The following CACNA1S variants were observed in gnomAD, a reference collection of about 807,000 sequenced individuals.
CACNA1S encodes the protein voltage-dependent L-type calcium channel subunit alpha-1S.
In CACNA1S, 126 loss-of-function variants were observed where a neutral mutation model predicts 207.4. That is an observed-to-expected ratio of 0.61 (90% confidence interval 0.53 to 0.70). The LOEUF is 0.70. Ranked by LOEUF, CACNA1S falls within the 30% of genes least tolerant of loss-of-function variation. The pLI is 0.00. For missense variants in CACNA1S, 2,349 were observed against 2,422.8 expected (o/e 0.97, Z 0.64); for synonymous variants, 960 against 932.7 (o/e 1.03, Z -0.53).
rs544781365 is a variant in CACNA1S, at chr1:201,050,920, A to G, written c.4113+64T>C. The G allele has an allele frequency of 3.9e-5, 60 of 1,547,312 alleles. No individual in the cohort carries two copies. In the South Asian group the frequency reaches 5.8e-4, roughly 15 times the overall value. On this transcript the variant is annotated intron_variant, in intron 33 of 43. Coordinates refer to ENST00000362061, the MANE Select transcript of CACNA1S (RefSeq NM_000069.3). ...GGAAACTGGCCAGGAAGGGGCAGGC[A>G]GGCTCCCCCATGCCTCAGCTTATCA... is the stretch of plus-strand genomic sequence containing the variant.
In CACNA1S at chr1:201,083,173, G is replaced by T. The variant is rs143202536; in HGVS notation, c.1382C>A (p.Thr461Asn). 4 of 1,614,170 alleles carry T rather than the reference G, an allele frequency of 2.5e-6. No individual in the cohort carries two copies. The East Asian group carries it at 8.9e-5, about 36-fold the overall frequency. ...CCGTTCCGCCTCACCTTGCAAACGGGTCAGCCAGAGAGGCTGGTTGTGGTG... is the reference window on the plus strand; with the variant it reads ...CCGTTCCGCCTCACCTTGCAAACGGTTCAGCCAGAGAGGCTGGTTGTGGTG... ...SEHHNQPLWL[T>N]RLQDIANRVL... Residue 461 changes from threonine to asparagine, a missense_variant, in exon 10 of 44, where the codon ACC (threonine) becomes AAC (asparagine). Physicochemically the swap from Thr to Asn is moderately conservative, Grantham distance 65. Transcript: ENST00000362061.
At chr1:201,063,248 C>T (rs538432003) in intron 22 of CACNA1S, among the ~76,000 whole-genome samples, 3 of 150,838 alleles carry the variant, frequency 2.0e-5, no homozygotes, top group East Asian at 1.9e-4. Context: ...ATCTGTGTCT[C>T]AGATTGGGTC....
In CACNA1S at chr1:201,066,257, C is replaced by T; in HGVS notation, c.2717G>A (p.Arg906Lys). The change falls in exon 21 of 44, where the codon AGA (arginine) becomes AAA (lysine). Residue 906 changes from arginine to lysine, a missense_variant. Coordinates refer to ENST00000362061, the MANE Select transcript of CACNA1S (RefSeq NM_000069.3). The surrounding 1 kb of genome is among the most constrained non-coding windows in gnomAD (Gnocchi z 4.3). ...CAACCCCTTGGCTCTGTTGATGGCT[C>T]TGAGTGGTCGGAGCACCCTCAGCAC... ...LRVLRVLRPL[R>K]AINRAKGLKH... 1 of 1,613,822 alleles carries T rather than the reference C, an allele frequency of 6.2e-7. No homozygotes were observed. The highest frequency in any genetic ancestry group is 2.2e-5 in the East Asian group (1 of 44,860).
rs200273802 is a variant in CACNA1S at position 201,085,044 on chromosome 1, G to A, written c.1151-13C>T. 5 of 1,601,690 alleles carry A rather than the reference G, an allele frequency of 3.1e-6. No homozygotes were observed. The highest frequency in any genetic ancestry group is 4.3e-6 in the Non-Finnish European group (5 of 1,174,202). ...AAAGACAGTTTTCCTGGAGACAGGA[G>A]AGAAAGAGTCAGCCAGCCTTCGGGG... On this transcript the variant is annotated splice_polypyrimidine_tract_variant and intron_variant, in intron 8 of 43. Transcript: ENST00000362061.
chr1:201,069,334 A>C, intron 18 of CACNA1S, 138 bp from the exon 19 acceptor site: 2 of 1,425,886 alleles, frequency 1.4e-6, no homozygotes, highest in Non-Finnish European at 2.0e-6. Flanking sequence ...TGGAGTGGGC[A>C]GTCCTATCCC....
chr1:201,111,836 G>A (rs73081021), intron 1 of CACNA1S, among the ~76,000 whole-genome samples: 11,488 of 151,798 alleles, frequency 0.076, 1,371 homozygotes, highest in African/African-American at 0.25. Context: ...TAGGTGGTCA[G>A]TAGGCATCTC....
Position 201,051,446 on chromosome 1 carries a change from T to G in CACNA1S, c.3954-303A>C, listed in dbSNP as rs3861928. 0.78 allele frequency among the ~76,000 whole-genome samples: 118,013 copies of G among 152,092 alleles called. 46,841 individuals are homozygous for G. The highest frequency in any genetic ancestry group is 0.99 in the East Asian group (5,143 of 5,176). On this transcript the variant is annotated intron_variant, in intron 32 of 43. Coordinates refer to ENST00000362061, the MANE Select transcript of CACNA1S (RefSeq NM_000069.3). The stretch of plus-strand genomic sequence containing the variant: ...TTCTGACCAAAGCAAGGCAGGGTCA[T>G]ATGTCACAGAGGCCTCAAAGAGATT...
At chr1:201,105,516 C>A (rs144570832) in intron 2 of CACNA1S, among the ~76,000 whole-genome samples, 1 of 152,326 alleles carries the variant, frequency 6.6e-6, no homozygotes, top group East Asian at 1.9e-4. Context: ...GCTCCAGAAC[C>A]CATTTTTATA....
At chr1:201,065,694 C>T (rs941625098) in intron 22 of CACNA1S, 144 bp downstream of exon 22, 2 of 687,038 alleles carry the variant, frequency 2.9e-6, no homozygotes, top group East Asian at 2.7e-5. Context: ...TGGTGAAGAC[C>T]TATTTTTCAA....
chr1:201,047,461 G>C, intron 37 of CACNA1S, 64 bp downstream of exon 37: 1 of 1,421,022 alleles, frequency 7.0e-7, no homozygotes, highest in South Asian at 1.2e-5. Context: ...GGGCTCCTTG[G>C]AGAAGCTCCC....
In CACNA1S at chr1:201,076,601, C is replaced by T. The variant is rs150481079; in HGVS notation, c.1827+319G>A. ...TGACTTTGCCCTGAGACCTGAGTGGCACATGAAAGCACGCATCCGGACTCC... is the reference window on the plus strand; with the variant it reads ...TGACTTTGCCCTGAGACCTGAGTGGTACATGAAAGCACGCATCCGGACTCC... On this transcript the variant is annotated intron_variant, in intron 12 of 43. Transcript: ENST00000362061. 5.6e-4 allele frequency among the ~76,000 whole-genome samples: 85 copies of T among 152,338 alleles called. 1 individual carries two copies. In the East Asian group the frequency reaches 0.015, roughly 27 times the overall value.
chr1:201,045,688 T>G (rs1357438576), intron 38 of CACNA1S, among the ~76,000 whole-genome samples: 1 of 130,934 alleles, frequency 7.6e-6, no homozygotes, highest in Non-Finnish European at 1.5e-5. Context: ...TGAGCCAAGA[T>G]CATGCCTCTG....
chr1:201,084,640 C>T (rs970748321), intron 9 of CACNA1S, among the ~76,000 whole-genome samples: 29 of 152,228 alleles, frequency 1.9e-4, no homozygotes, highest in Middle Eastern at 3.4e-3. Context: ...ATGACCTCAC[C>T]CAGCTCTGCC....
chr1:201,044,479 G>C (rs1660407281), intron 38 of CACNA1S, 23 bp from the exon 39 acceptor site: 2 of 1,609,670 alleles, frequency 1.2e-6, no homozygotes, highest in East Asian at 4.5e-5. Context: ...AAGGGACTCA[G>C]TTATCTCTCC....
At position 201,058,473 on chromosome 1, in the gene CACNA1S, A is replaced by T; in HGVS notation, c.3544T>A (p.Trp1182Arg). 6.2e-7 allele frequency: 1 copy of T among 1,614,082 alleles called. No homozygotes were observed. Among genetic ancestry groups the T allele is most frequent in the Non-Finnish European group, 8.5e-7 (1 of 1,179,912 alleles). ...ACAATCAGGAAGTCAAACACATTCC[A>T]GGGGTCTCCAAAGTAGCCCTGGGAA... ...FKARGYFGDP[W>R]NVFDFLIVIG... Residue 1182 changes from tryptophan to arginine, a missense_variant, in exon 28 of 44, where the codon TGG (tryptophan) becomes AGG (arginine). Trp to Arg is a moderately radical substitution (Grantham distance 101). Coordinates refer to ENST00000362061, the MANE Select transcript of CACNA1S (RefSeq NM_000069.3).
chr1:201,058,126 C>A (rs542480336), intron 28 of CACNA1S, among the ~76,000 whole-genome samples: 6 of 152,208 alleles, frequency 3.9e-5, no homozygotes, highest in Non-Finnish European at 8.8e-5. Context: ...CTCCATGAAG[C>A]CTTCTCTGAC....
chr1:201,054,360 C>T, intron 29 of CACNA1S, 145 bp downstream of exon 29: 1 of 795,894 alleles, frequency 1.3e-6, no homozygotes, highest in Non-Finnish European at 2.2e-6. Context: ...CGAGCCTAGC[C>T]TGGGTCCTCA....
intron 22 of CACNA1S, among the ~76,000 whole-genome samples, chr1:201,064,994 G>A (rs1440275606): frequency 6.6e-6 from 1 of 152,218 alleles, no homozygotes; most frequent in African/African-American, 2.4e-5. Flanking sequence ...GCACAGGCCT[G>A]GCAGGATGGG....
At chr1:201,100,048 C>T (rs1474864587) in intron 2 of CACNA1S, among the ~76,000 whole-genome samples, 1 of 152,126 alleles carries the variant, frequency 6.6e-6, no homozygotes, top group Admixed American at 6.6e-5. Flanking sequence ...CTGCCTGAGA[C>T]CCAGGGCCTG....
Sources: allele counts gnomAD v4.1 joint callset (sites outside exome capture counted in the v4.1 genomes callset), GRCh38; gene constraint gnomAD v4.1.1; non-coding constraint Gnocchi (gnomAD v3.1); transcripts MANE v1.5; gene names NCBI Gene and HGNC (gene_info 2026-07-23, HGNC 2026-07-21).